The following HS6ST3 variants were observed in gnomAD, a reference collection of about 807,000 sequenced individuals.
HS6ST3 encodes the protein heparan-sulfate 6-O-sulfotransferase 3.
HS6ST3 carries 12 observed loss-of-function variants against 36.7 expected under a neutral mutation model. That is an observed-to-expected ratio of 0.33 (90% CI 0.21 to 0.53). HS6ST3 has a LOEUF of 0.53. Among genes scored for constraint, HS6ST3 ranks in the 20% least tolerant of loss-of-function variants. The pLI is 0.95. For synonymous variants in HS6ST3, 240 were observed against 257.5 expected (o/e 0.93, Z 0.65); for missense variants, 584 against 640.9 (o/e 0.91, Z 0.96).
At chr13:96,575,555 G>T (rs550374052) in intron 1 of HS6ST3, among the ~76,000 whole-genome samples, 3 of 152,328 alleles carry the variant, frequency 2.0e-5, no homozygotes, top group Non-Finnish European at 4.4e-5. Flanking sequence ...TAGGAAGACT[G>T]TTGATGTTTC....
chr13:96,311,721 G>A (rs976488893), intron 1 of HS6ST3, among the ~76,000 whole-genome samples: 53 of 152,126 alleles, frequency 3.5e-4, no homozygotes, highest in African/African-American at 1.0e-3. Flanking sequence ...TATCCTGTTC[G>A]GAGTAATTGA....
chr13:96,591,961 G>A (rs1022151112), intron 1 of HS6ST3, among the ~76,000 whole-genome samples: 3 of 151,942 alleles, frequency 2.0e-5, no homozygotes, highest in African/African-American at 7.2e-5. Context: ...ATCATCAAAT[G>A]GTTTTGTACT....
At chr13:96,333,689 T>C (rs368972833) in intron 1 of HS6ST3, among the ~76,000 whole-genome samples, 2 of 152,172 alleles carry the variant, frequency 1.3e-5, no homozygotes, top group Admixed American at 6.5e-5. Flanking sequence ...TTCTGTAAGA[T>C]GTGGATTTGG....
intron 1 of HS6ST3, among the ~76,000 whole-genome samples, chr13:96,091,872 C>G (rs371520801): frequency 1.3e-5 from 2 of 152,032 alleles, no homozygotes; most frequent in African/African-American, 4.8e-5. Context: ...TCCCAGTGGA[C>G]GCTGGAAAAA....
Position 96,180,168 on chromosome 13 carries a change from T to C in HS6ST3, c.707+88599T>C, listed in dbSNP as rs1273776036. On this transcript the variant is annotated intron_variant, in intron 1 of 1. Coordinates refer to ENST00000376705, the MANE Select transcript of HS6ST3 (RefSeq NM_153456.4). ...CTGCTTTTAGGATGCAATTGTGTGATTTCCCAACTATGCGGACATACACAC... is the reference window on the plus strand; with the variant it reads ...CTGCTTTTAGGATGCAATTGTGTGACTTCCCAACTATGCGGACATACACAC... Among the ~76,000 whole-genome samples, 5 of 152,184 alleles carry C rather than the reference T, an allele frequency of 3.3e-5. No homozygotes were observed. The East Asian group carries it at 9.7e-4, about 29-fold the overall frequency.
Position 96,656,479 on chromosome 13 carries a change from G to C in HS6ST3, c.708-176011G>C, listed in dbSNP as rs113664578. Among the ~76,000 whole-genome samples, 72 of 152,196 alleles carry C rather than the reference G, an allele frequency of 4.7e-4. 1 individual carries two copies. Among genetic ancestry groups the C allele is most frequent in the African/African-American group, 1.7e-3 (69 of 41,546 alleles). ...GAGATATGACAGAAATCCATTGTTG[G>C]AACTAATTCTGACCACATTTCAAAC... On this transcript the variant is annotated intron_variant, in intron 1 of 1. Transcript: ENST00000376705.
chr13:96,366,783 G>T (rs1283772934), intron 1 of HS6ST3, among the ~76,000 whole-genome samples: 1 of 152,136 alleles, frequency 6.6e-6, no homozygotes, highest in Non-Finnish European at 1.5e-5. Context: ...ACCTTGAATT[G>T]TAATAATCTC....
intron 1 of HS6ST3, among the ~76,000 whole-genome samples, chr13:96,488,310 T>C (rs962224968): frequency 5.9e-5 from 9 of 152,078 alleles, no homozygotes; most frequent in Middle Eastern, 3.2e-3. Context: ...TGCACTTTAA[T>C]AGGCTGAGAA....
intron 1 of HS6ST3, among the ~76,000 whole-genome samples, chr13:96,402,040 T>C (rs1269934959): frequency 6.6e-6 from 1 of 152,186 alleles, no homozygotes. Flanking sequence ...ACTCCTGTGC[T>C]CAAGAAATTC....
At chr13:96,522,033 A>G (rs1258397683) in intron 1 of HS6ST3, among the ~76,000 whole-genome samples, 1 of 152,114 alleles carries the variant, frequency 6.6e-6, no homozygotes, top group Admixed American at 6.5e-5. Context: ...TGTGTCCCAG[A>G]TATTCTGGTA....
At chr13:96,254,197 C>T (rs924531569) in intron 1 of HS6ST3, among the ~76,000 whole-genome samples, 2 of 151,528 alleles carry the variant, frequency 1.3e-5, no homozygotes. Context: ...AGGCAGATCA[C>T]GAGGTCAGGA....
intron 1 of HS6ST3, among the ~76,000 whole-genome samples, chr13:96,103,206 G>T (rs182635662): frequency 6.6e-6 from 1 of 152,142 alleles, no homozygotes; most frequent in Non-Finnish European, 1.5e-5. Context: ...CCTAAAGAGA[G>T]ATGAGTCCAA....
At chr13:96,498,104 C>T (rs1363947135) in intron 1 of HS6ST3, among the ~76,000 whole-genome samples, 1 of 152,160 alleles carries the variant, frequency 6.6e-6, no homozygotes, top group Middle Eastern at 3.2e-3. Context: ...GCTTGAAGAA[C>T]ACACAGTGTC....
At position 96,833,571 on chromosome 13, in the gene HS6ST3, A is replaced by T. The variant is rs1878857449; in HGVS notation, c.*373A>T. On this transcript the variant is annotated 3_prime_UTR_variant, in exon 2 of 2. Coordinates refer to ENST00000376705, the MANE Select transcript of HS6ST3 (RefSeq NM_153456.4). Reference sequence around the variant, plus strand: ...CATGAAAAGCCAAATTATGGCTTGGATGTTCTGCTGAAACTGGTCTATGTC... The same window carrying T: ...CATGAAAAGCCAAATTATGGCTTGGTTGTTCTGCTGAAACTGGTCTATGTC... The T allele has an allele frequency of 5.1e-6, 1 of 196,970 alleles. No individual in the cohort carries two copies. The highest frequency in any genetic ancestry group is 1.2e-4 in the South Asian group (1 of 8,410). 12.2% of individuals were successfully genotyped at this position (196,970 alleles called of 1,614,324 possible).
intron 1 of HS6ST3, among the ~76,000 whole-genome samples, chr13:96,655,247 C>T (rs927465043): frequency 7.9e-5 from 12 of 152,188 alleles, no homozygotes; most frequent in East Asian, 1.9e-4. Context: ...ACTAGAAAGA[C>T]GGTGAACCCC....
rs373936186 is a variant in HS6ST3, at chr13:96,734,882, A to AT, written c.708-97598dup. Reference sequence around the variant, plus strand: ...ACCAGTGTAGCTTCTACTAATGGGTATTTTTTTTTTCAGTTGAGGAGTCAT... The same window carrying AT: ...ACCAGTGTAGCTTCTACTAATGGGTATTTTTTTTTTTCAGTTGAGGAGTCAT... On this transcript the variant is annotated intron_variant, in intron 1 of 1. Coordinates refer to ENST00000376705, the MANE Select transcript of HS6ST3 (RefSeq NM_153456.4). 9.7e-3 allele frequency among the ~76,000 whole-genome samples: 1,455 copies of AT among 149,664 alleles called. 9 individuals are homozygous for AT. The highest frequency in any genetic ancestry group is 0.012 in the Non-Finnish European group (794 of 67,252).
intron 1 of HS6ST3, among the ~76,000 whole-genome samples, chr13:96,480,511 G>A (rs1478996336): frequency 6.6e-6 from 1 of 152,116 alleles, no homozygotes; most frequent in East Asian, 1.9e-4. Context: ...GAGTTTGTGT[G>A]CAACATTACT....
intron 1 of HS6ST3, among the ~76,000 whole-genome samples, chr13:96,120,572 C>T (rs115299765): frequency 0.017 from 2,565 of 152,130 alleles, 58 homozygotes; most frequent in African/African-American, 0.059. Context: ...TAATTAGTAG[C>T]ATATTGAACT....
intron 1 of HS6ST3, among the ~76,000 whole-genome samples, chr13:96,263,102 A>C (rs1373378488): frequency 6.6e-6 from 1 of 152,214 alleles, no homozygotes; most frequent in Non-Finnish European, 1.5e-5. Context: ...TGAAGTAATG[A>C]TGAATATAGT....
Sources: gnomAD v4.1 joint callset for allele counts (sites outside exome capture counted in the v4.1 genomes callset) on GRCh38, gnomAD v4.1.1 for gene constraint, MANE v1.5 for transcripts, NCBI Gene and HGNC (gene_info 2026-07-23, HGNC 2026-07-21) for gene names.